Variants in P4HA3 observed in about 807,000 individuals in gnomAD.
The protein encoded by P4HA3 is prolyl 4-hydroxylase subunit alpha 3.
Under a neutral mutation model 66.7 loss-of-function variants are expected in P4HA3, and 60 were observed. The observed-to-expected ratio is 0.90, with a 90% CI of 0.73 to 1.12. P4HA3 has a LOEUF of 1.12. P4HA3 is among the 50% of genes most tolerant of loss of function. The probability of loss-of-function intolerance (pLI) is 0.00; values close to 1 mark genes in which losing one functional copy is unlikely to be tolerated. For synonymous variants in P4HA3, 263 were observed against 274.6 expected (o/e 0.96, Z 0.42); for missense variants, 683 against 685.8 (o/e 1.00, Z 0.05).
chr11:74,294,294 C>T (rs1861139163), intron 4 of P4HA3, among the ~76,000 whole-genome samples: 1 of 152,180 alleles, frequency 6.6e-6, no homozygotes. Flanking sequence ...GTTTTCAGCT[C>T]CATCAGGTCC....
At chr11:74,251,066 C>G (rs1859645964) in intron 15 of P4HA3, 7 of 1,556,086 alleles carry the variant, frequency 4.5e-6, no homozygotes, top group South Asian at 1.2e-5. Context: ...TGAGAATAAC[C>G]CTGGATGTCA....
intron 15 of P4HA3, chr11:74,250,690 C>T (rs973178480): frequency 7.0e-6 from 3 of 425,746 alleles, no homozygotes; most frequent in South Asian, 4.6e-5. Context: ...CCCCTGAGGA[C>T]AAGAACTGTT....
intron 1 of P4HA3, among the ~76,000 whole-genome samples, chr11:74,305,885 A>G (rs924945440): frequency 4.6e-5 from 7 of 152,216 alleles, no homozygotes; most frequent in African/African-American, 1.7e-4. Context: ...CAGTTTAGTG[A>G]GTAAGAAAGA....
In P4HA3 at chr11:74,277,006, C is replaced by T; in HGVS notation, c.1314G>A (p.Glu438=). Residue 438 remains glutamate (E), a synonymous_variant, in exon 9 of 13, where the codon GAG becomes GAA. Transcript: ENST00000331597. ...TTACCGTAGCATGGTCAAAGTGAGGCTCATAGTGTCCTCCGATGCCATAGT... is the reference window on the plus strand; with the variant it reads ...TTACCGTAGCATGGTCAAAGTGAGGTTCATAGTGTCCTCCGATGCCATAGT... The part of the protein sequence containing the change: ...VVNYGIGGHY[E]PHFDHATSPS... 1 of 1,613,906 alleles carries T rather than the reference C, an allele frequency of 6.2e-7. No individual in the cohort carries two copies.
At chr11:74,250,828 G>C in intron 15 of P4HA3, 1 of 731,930 alleles carries the variant, frequency 1.4e-6, no homozygotes, top group Non-Finnish European at 2.4e-6. Context: ...TGATAATTGG[G>C]TCCAGAGTAT....
chr11:74,286,122 T>C, intron 6 of P4HA3, 106 bp downstream of exon 6: 1 of 1,485,308 alleles, frequency 6.7e-7, no homozygotes. Context: ...CAAGTGAGCT[T>C]TATTGTTTTT....
At position 74,250,905 on chromosome 11, in the gene P4HA3, A is replaced by G. The variant is rs1171639182; in HGVS notation, c.*1319-2904T>C. ...GGAATGACCTATGAGGCTGCATAAGAGAGGGCTCTTTTAGTCGCTGAAGTT... is the reference window on the plus strand; with the variant it reads ...GGAATGACCTATGAGGCTGCATAAGGGAGGGCTCTTTTAGTCGCTGAAGTT... On this transcript the variant is annotated intron_variant and NMD_transcript_variant, in intron 15 of 15. Coordinates refer to the P4HA3 transcript ENST00000524388. 4.7e-6 allele frequency: 7 copies of G among 1,487,586 alleles called. No homozygotes were observed. The East Asian group carries it at 1.2e-4, about 26-fold the overall frequency. The allele number at this position is 1,487,586 out of a possible 1,614,324, so 92.1% of individuals were successfully genotyped here.
intron 15 of P4HA3, chr11:74,251,091 C>CT: frequency 4.5e-6 from 7 of 1,542,620 alleles, no homozygotes; most frequent in Non-Finnish European, 4.4e-6. Flanking sequence ...AGACAAGTCT[C>CT]TGAGTCTCAG....
intron 15 of P4HA3, chr11:74,251,065 C>T (rs1333404613): frequency 1.3e-6 from 2 of 1,556,164 alleles, no homozygotes; most frequent in South Asian, 1.2e-5. Context: ...GTGAGAATAA[C>T]CCTGGATGTC....
chr11:74,310,971 C>T (rs779452796), intron 1 of P4HA3, among the ~76,000 whole-genome samples: 18 of 152,214 alleles, frequency 1.2e-4, no homozygotes, highest in Non-Finnish European at 2.6e-4. Context: ...GTCACAGCAC[C>T]GTCCACTGTG....
At chr11:74,267,555 G>A (rs1860031496) in intron 12 of P4HA3, among the ~76,000 whole-genome samples, 1 of 152,226 alleles carries the variant, frequency 6.6e-6, no homozygotes, top group African/African-American at 2.4e-5. Flanking sequence ...CCTGTCTCCT[G>A]TAAACTCATT....
Position 74,311,485 on chromosome 11 carries a change from G to GTAC in P4HA3, c.126_127insGTA (p.Ala42_Pro43insVal). On this transcript the variant is annotated inframe_insertion, in exon 1 of 13. Transcript: ENST00000331597. Reference sequence around the variant, plus strand: ...AGCAGCCCCAGCAGCCGGCGCTCGGGCGCCAGGGCGCGCGCCACGCTGGTC... The same window carrying GTAC: ...AGCAGCCCCAGCAGCCGGCGCTCGGGTACCGCCAGGGCGCGCGCCACGCTGGTC... The GTAC allele has an allele frequency of 6.5e-7, 1 of 1,532,836 alleles. No homozygotes were observed. Among genetic ancestry groups the GTAC allele is most frequent in the Non-Finnish European group, 8.7e-7 (1 of 1,146,994 alleles). 95.0% of individuals were successfully genotyped at this position (1,532,836 alleles called of 1,614,324 possible). A position where few individuals can be genotyped will look rare whatever the true frequency, so the allele number is the denominator to read the frequency against.
chr11:74,292,807 C>G (rs1046320937), intron 4 of P4HA3, among the ~76,000 whole-genome samples: 19 of 152,030 alleles, frequency 1.2e-4, no homozygotes, highest in South Asian at 2.1e-4. Flanking sequence ...TGTGGTCTGA[C>G]AGACAGTTTG....
chr11:74,254,917 C>T (rs1208986724), intron 15 of P4HA3, among the ~76,000 whole-genome samples: 2 of 152,186 alleles, frequency 1.3e-5, no homozygotes, highest in Admixed American at 1.3e-4. Flanking sequence ...AGTCCCATCT[C>T]TCCTAATTAT....
chr11:74,264,232 AT>A (rs1338396024), downstream of P4HA3, among the ~76,000 whole-genome samples: 1 of 152,158 alleles, frequency 6.6e-6, no homozygotes, highest in African/African-American at 2.4e-5. Flanking sequence ...GCCACTAACC[AT>A]TCCTACCTCA....
chr11:74,304,739 G>A (rs1210195523), intron 1 of P4HA3, among the ~76,000 whole-genome samples: 2 of 152,116 alleles, frequency 1.3e-5, no homozygotes, highest in Non-Finnish European at 2.9e-5. Context: ...TGTCATCACT[G>A]TATATGCAAT....
chr11:74,275,857 T>G (rs1860376036), intron 9 of P4HA3, among the ~76,000 whole-genome samples: 1 of 152,188 alleles, frequency 6.6e-6, no homozygotes, highest in Admixed American at 6.5e-5. Flanking sequence ...CACCCAGATA[T>G]TTATTGCAGC....
At chr11:74,294,852 C>T (rs1861161682) in intron 4 of P4HA3, among the ~76,000 whole-genome samples, 1 of 152,124 alleles carries the variant, frequency 6.6e-6, no homozygotes, top group Admixed American at 6.5e-5. Flanking sequence ...TCAGTCTGCC[C>T]CTACTCGGGG....
chr11:74,299,414 A>AT (rs1458138985), intron 3 of P4HA3, among the ~76,000 whole-genome samples: 2 of 152,050 alleles, frequency 1.3e-5, no homozygotes, highest in Non-Finnish European at 2.9e-5. Flanking sequence ...ACAATAAATC[A>AT]TTTTTCCTTC....
Sources: allele counts gnomAD v4.1 joint callset (sites outside exome capture counted in the v4.1 genomes callset), GRCh38; gene constraint gnomAD v4.1.1; transcripts MANE v1.5; gene names NCBI Gene and HGNC (gene_info 2026-07-23, HGNC 2026-07-21).